TCHHL1: variants seen among roughly 807,000 people sequenced by gnomAD.
TCHHL1 encodes the protein trichohyalin-like protein 1.
In TCHHL1, 1 loss-of-function variant was observed where a neutral mutation model predicts 3.5. That is an observed-to-expected ratio of 0.29 (90% CI 0.10 to 1.36). The LOEUF is 1.36. TCHHL1 is among the 40% of genes most tolerant of loss of function. TCHHL1 has a pLI of 0.43. For missense variants in TCHHL1, 1,027 were observed against 1,032.8 expected, an observed-to-expected ratio of 0.99 and a Z score of 0.08; for synonymous variants, 405 against 375.3, an observed-to-expected ratio of 1.08 and a Z score of -0.92.
intron 2 of TCHHL1, 81 bp downstream of exon 2, chr1:152,087,925 G>A (rs1657764834): frequency 2.4e-5 from 35 of 1,474,740 alleles, no homozygotes; most frequent in Non-Finnish European, 3.1e-5. Context: ...AAATGGATGG[G>A]GATCACATAT....
chr1:152,085,740 C>G lies in TCHHL1; in HGVS notation c.1942G>C (p.Glu648Gln). ...TGTGCTTCTGGGTGTCCATTGGGCT[C>G]CACAGCTGCACCTGGGCCTTTGGTC... is the stretch of plus-strand genomic sequence containing the variant. ...PGTKGPGAAV[E>Q]PNGHPEAQES... The change falls in exon 3 of 3, where the codon GAG (glutamate) becomes CAG (glutamine). Residue 648 changes from glutamate (E) to glutamine (Q), a missense_variant. Transcript: ENST00000368806. The G allele has an allele frequency of 6.2e-7, 1 of 1,614,156 alleles. No homozygotes were observed.
Position 152,085,907 on chromosome 1 carries a change from G to T in TCHHL1, c.1775C>A (p.Pro592Gln). 1 of 1,614,182 alleles carries T rather than the reference G, an allele frequency of 6.2e-7. No homozygotes were observed. Among genetic ancestry groups the T allele is most frequent in the Non-Finnish European group, 8.5e-7 (1 of 1,180,034 alleles). The change falls in exon 3 of 3, where the codon CCA becomes CAA. Residue 592 changes from proline (P) to glutamine (Q), a missense_variant. Physicochemically the swap from Pro to Gln is moderately conservative, Grantham distance 76. Coordinates refer to ENST00000368806, the MANE Select transcript of TCHHL1 (RefSeq NM_001008536.2). ...AGGTGTTCCCTGCCTCTGGGTATCT[G>T]GGTTATTATTGTGACCTCCTTGCAC... ...ESVQGGHNNN[P>Q]DTQRQGTPGE...
Position 152,085,516 on chromosome 1 carries a change from T to C in TCHHL1, c.2166A>G (p.Glu722=). ...AGGCTGAATTGTCCTCATCTAGACT[T>C]TCTAACAGAGTATTCTGGGCCTCTG... ...RATEAQNTLL[E]SLDEDNSASL... is the part of the protein sequence containing the mutation. The change falls in exon 3 of 3, where the codon GAA becomes GAG. Residue 722 remains glutamate, a synonymous_variant. Transcript: ENST00000368806. 6.2e-7 allele frequency: 1 copy of C among 1,614,222 alleles called. No homozygotes were observed. The highest frequency in any genetic ancestry group is 1.1e-5 in the South Asian group (1 of 91,076).
rs1657757589 is a variant in TCHHL1 at position 152,087,551 on chromosome 1, A to G, written c.139-8T>C. ...AGCATGAAGGACACAGGGCTGCATG[A>G]AAACACAGTGAGAAATCAGCTTATT... On this transcript the variant is annotated splice_polypyrimidine_tract_variant and splice_region_variant and intron_variant, in intron 2 of 2. Coordinates refer to ENST00000368806, the MANE Select transcript of TCHHL1 (RefSeq NM_001008536.2). 2 of 1,577,742 alleles carry G rather than the reference A, an allele frequency of 1.3e-6. No homozygotes were observed. The highest frequency in any genetic ancestry group is 1.7e-6 in the Non-Finnish European group (2 of 1,170,520).
At position 152,085,363 on chromosome 1, in the gene TCHHL1, G is replaced by A. The variant is rs1260258112; in HGVS notation, c.2319C>T (p.Val773=). The change falls in exon 3 of 3, where the codon GTC becomes GTT. Residue 773 remains valine, a synonymous_variant. Coordinates refer to ENST00000368806, the MANE Select transcript of TCHHL1 (RefSeq NM_001008536.2). ...SPAKKEHNSS[V]PWSSLEKQMQ... ...TCTGCTTTTCAAGACTTGACCAGGG[G>A]ACTGAAGAATTGTGCTCTTTCTTGG... 6 of 1,614,228 alleles carry A rather than the reference G, an allele frequency of 3.7e-6. No individual in the cohort carries two copies. Among genetic ancestry groups the A allele is most frequent in the East Asian group, 2.2e-5 (1 of 44,890 alleles).
rs532974821 is a variant in TCHHL1 at position 152,085,937 on chromosome 1, T to A, written c.1745A>T (p.Glu582Val). 1 of 1,614,230 alleles carries A rather than the reference T, an allele frequency of 6.2e-7. No homozygotes were observed. The highest frequency in any genetic ancestry group is 1.3e-5 in the African/African-American group (1 of 75,074). Residue 582 changes from glutamate to valine, a missense_variant, in exon 3 of 3, where the codon GAG (glutamate) becomes GTG (valine). Coordinates refer to ENST00000368806, the MANE Select transcript of TCHHL1 (RefSeq NM_001008536.2). ...ATTATTGTGACCTCCTTGCACAGACTCTCCATGTTGGTCCCCTTGACTCTG... is the reference window on the plus strand; with the variant it reads ...ATTATTGTGACCTCCTTGCACAGACACTCCATGTTGGTCCCCTTGACTCTG... ...DSQSQGDQHG[E>V]SVQGGHNNNP...
chr1:152,085,300 A>G lies in TCHHL1; in HGVS notation c.2382T>C (p.Gly794=). The G allele has an allele frequency of 6.2e-7, 1 of 1,614,074 alleles. No homozygotes were observed. Among genetic ancestry groups the G allele is most frequent in the Non-Finnish European group, 8.5e-7 (1 of 1,180,014 alleles). Residue 794 remains glycine (G), a synonymous_variant, in exon 3 of 3, where the codon GGT becomes GGC. Coordinates refer to ENST00000368806, the MANE Select transcript of TCHHL1 (RefSeq NM_001008536.2). ...GGTATAGTGGACTGGAATAGACTGC[A>G]CCCCTCTCCACAGAACAGGGCTCTT... ...RDQEPCSVER[G]AVYSSPLYQY... is the part of the protein sequence containing the mutation.
Position 152,085,563 on chromosome 1 carries a change from T to C in TCHHL1, c.2119A>G (p.Lys707Glu). The change falls in exon 3 of 3, where the codon AAA becomes GAA. Residue 707 changes from lysine (K) to glutamate (E), a missense_variant. By Grantham distance (56) the Lys-to-Glu change is moderately conservative. Around this residue, in one of 3 missense-constraint regions of TCHHL1, gnomAD observed 673 missense variants for 658.6 expected, o/e 1.02. Transcript: ENST00000368806. ...NELKVQGPSS[K>E]EEKGRATEAQ... is the part of the protein sequence containing the mutation. ...TCTGTTGCTCTTCCTTTCTCTTCTT[T>C]GCTACTTGGGCCTTGGACCTTTAAT... The C allele has an allele frequency of 6.2e-7, 1 of 1,614,262 alleles. No homozygotes were observed. Among genetic ancestry groups the C allele is most frequent in the Non-Finnish European group, 8.5e-7 (1 of 1,180,052 alleles).
Position 152,087,377 on chromosome 1 carries a change from G to A in TCHHL1, c.305C>T (p.Pro102Leu). The A allele has an allele frequency of 6.2e-7, 1 of 1,613,400 alleles. No homozygotes were observed. The highest frequency in any genetic ancestry group is 8.5e-7 in the Non-Finnish European group (1 of 1,179,972). ...LSSELRQVTK[P>L]EKEKLDDVDV... ...CACATCATCTAGCTTCTCCTTCTCTGGTTTAGTCACCTGTCTTAGTTCAGA... is the reference window on the plus strand; with the variant it reads ...CACATCATCTAGCTTCTCCTTCTCTAGTTTAGTCACCTGTCTTAGTTCAGA... The change falls in exon 3 of 3, where the codon CCA becomes CTA. Residue 102 changes from proline to leucine, a missense_variant. Physicochemically the swap from Pro to Leu is moderately conservative, Grantham distance 98. This residue lies in a region of TCHHL1 where 338 missense variants were observed against 335.9 expected (regional missense o/e 1.01). Transcript: ENST00000368806.
rs1251915429 is a variant in TCHHL1, at chr1:152,086,274, C to G, written c.1408G>C (p.Glu470Gln). ...EGTAVSGEEA[E>Q]HTKEGTAEAF... ...TCTGCTGTGCCTTCTTTGGTGTGTT[C>G]TGCCTCTTCTCCTGAGACTGCTGTT... The change falls in exon 3 of 3, where the codon GAA becomes CAA. Residue 470 changes from glutamate to glutamine, a missense_variant. Physicochemically the swap from Glu to Gln is conservative, Grantham distance 29. Around this residue, in one of 3 missense-constraint regions of TCHHL1, gnomAD observed 673 missense variants for 658.6 expected, o/e 1.02. Coordinates refer to ENST00000368806, the MANE Select transcript of TCHHL1 (RefSeq NM_001008536.2). 1 of 1,614,244 alleles carries G rather than the reference C, an allele frequency of 6.2e-7. No homozygotes were observed. The highest frequency in any genetic ancestry group is 8.5e-7 in the Non-Finnish European group (1 of 1,180,060).
chr1:152,085,490 GA>G lies in TCHHL1; in HGVS notation c.2191del (p.Ser731ProfsTer12). 1 of 1,614,182 alleles carries G rather than the reference GA, an allele frequency of 6.2e-7. No homozygotes were observed. Among genetic ancestry groups the G allele is most frequent in the Non-Finnish European group, 8.5e-7 (1 of 1,180,034 alleles). ...LESLDEDNSASLKIQLETKEP... is the reference protein window; with the variant it reads ...LESLDEDNSAXLKIQLETKEP... ...CTTTGTTTCAAGTTGTATCTTGAGGGAGGCTGAATTGTCCTCATCTAGACTT... is the reference window on the plus strand; with the variant it reads ...CTTTGTTTCAAGTTGTATCTTGAGGGGGCTGAATTGTCCTCATCTAGACTT... On this transcript the variant is annotated frameshift_variant, in exon 3 of 3. Coordinates refer to ENST00000368806, the MANE Select transcript of TCHHL1 (RefSeq NM_001008536.2). LOFTEE classifies it low-confidence loss of function (END_TRUNC).
chr1:152,088,960 T>C (rs556264803), intron 1 of TCHHL1, 60 bp downstream of exon 1: 40 of 152,240 alleles, frequency 2.6e-4, no homozygotes, highest in Middle Eastern at 3.4e-3. Flanking sequence ...CCTCTTGCAA[T>C]CTCACATATA....
Position 152,086,198 on chromosome 1 carries a change from G to T in TCHHL1, c.1484C>A (p.Ala495Glu). ...TGCTAAATCTTGTGTTCTTTCTCTT[G>T]CCCCCAGTGTCCTTTCTGCTGCAGG... is the stretch of plus-strand genomic sequence containing the variant. ...NAPAAERTLG[A>E]RERTQDLAPL... Residue 495 changes from alanine to glutamate, a missense_variant, in exon 3 of 3, where the codon GCA (alanine) becomes GAA (glutamate). Ala to Glu is a moderately radical substitution (Grantham distance 107). Around this residue, in one of 3 missense-constraint regions of TCHHL1, gnomAD observed 673 missense variants for 658.6 expected, o/e 1.02. Transcript: ENST00000368806. The T allele has an allele frequency of 6.2e-7, 1 of 1,614,114 alleles. No homozygotes were observed. Among genetic ancestry groups the T allele is most frequent in the Non-Finnish European group, 8.5e-7 (1 of 1,180,028 alleles).
At position 152,088,044 on chromosome 1, in the gene TCHHL1, T is replaced by A; in HGVS notation, c.100A>T (p.Lys34Ter). Residue 34 changes from lysine (K) to a stop codon, truncating the protein, a stop_gained, in exon 2 of 3, where the codon AAA (lysine) becomes TAA (stop). Transcript: ENST00000368806. LOFTEE classifies it low-confidence loss of function (END_TRUNC). ...NGATLTGREL[K>*]QLIQGEFGDF... ...CCAAACTCGCCCTGGATGAGTTGTT[T>A]CAGCTCTCTGCCAGTCAGTGTTGCC... is the stretch of plus-strand genomic sequence containing the variant. The A allele has an allele frequency of 6.2e-7, 1 of 1,610,238 alleles. No individual in the cohort carries two copies.
At position 152,085,403 on chromosome 1, in the gene TCHHL1, T is replaced by A; in HGVS notation, c.2279A>T (p.Asp760Val). The A allele has an allele frequency of 1.2e-6, 2 of 1,614,232 alleles. No homozygotes were observed. Among genetic ancestry groups the A allele is most frequent in the Non-Finnish European group, 1.7e-6 (2 of 1,180,046 alleles). The change falls in exon 3 of 3, where the codon GAC becomes GTC. Residue 760 changes from aspartate to valine, a missense_variant. Coordinates refer to ENST00000368806, the MANE Select transcript of TCHHL1 (RefSeq NM_001008536.2). ...CTCTTTCTTGGCTGGACTTTTTTGG[T>A]CACCACCTTCTCCTGCCAGCTCTTG... ...SPQELAGEGG[D>V]QKSPAKKEHN...
Position 152,085,913 on chromosome 1 carries a change from T to C in TCHHL1, c.1769A>G (p.Asn590Ser). 1 of 1,614,236 alleles carries C rather than the reference T, an allele frequency of 6.2e-7. No homozygotes were observed. Among genetic ancestry groups the C allele is most frequent in the Non-Finnish European group, 8.5e-7 (1 of 1,180,050 alleles). The change falls in exon 3 of 3, where the codon AAT (asparagine) becomes AGT (serine). Residue 590 changes from asparagine to serine, a missense_variant. By Grantham distance (46) the Asn-to-Ser change is conservative (BLOSUM62 1). Coordinates refer to ENST00000368806, the MANE Select transcript of TCHHL1 (RefSeq NM_001008536.2). ...TCCCTGCCTCTGGGTATCTGGGTTA[T>C]TATTGTGACCTCCTTGCACAGACTC... ...HGESVQGGHNNNPDTQRQGTP... is the reference protein window; with the variant it reads ...HGESVQGGHNSNPDTQRQGTP...
At chr1:152,087,617 A>G (rs935933143) in intron 2 of TCHHL1, 74 bp from the exon 3 acceptor site, 31 of 1,434,936 alleles carry the variant, frequency 2.2e-5, no homozygotes, top group African/African-American at 4.3e-5. Flanking sequence ...CAAGAATCCT[A>G]TTTTTCTGAC....
chr1:152,088,823 GT>G (rs892782847), intron 1 of TCHHL1, among the ~76,000 whole-genome samples, 196 bp downstream of exon 1: 2 of 151,906 alleles, frequency 1.3e-5, no homozygotes, highest in Non-Finnish European at 1.5e-5. Flanking sequence ...AACAATTTAT[GT>G]TTTTTTTAAA....
Position 152,087,581 on chromosome 1 carries a change from T to A in TCHHL1, c.139-38A>T, listed in dbSNP as rs1419570530. ...ACAGTGAGAAATCAGCTTATTTATA[T>A]GTGGTCCAGTGTCCTAAGTGTCTCC... On this transcript the variant is annotated intron_variant, in intron 2 of 2. Transcript: ENST00000368806. 4 of 1,541,034 alleles carry A rather than the reference T, an allele frequency of 2.6e-6. No homozygotes were observed. In the African/African-American group the frequency reaches 5.5e-5, roughly 21 times the overall value.
Sources: gnomAD v4.1 joint callset for allele counts (sites outside exome capture counted in the v4.1 genomes callset) on GRCh38, gnomAD v4.1.1 for gene constraint, gnomAD v4.1.1 regional missense constraint, MANE v1.5 for transcripts, NCBI Gene and HGNC (gene_info 2026-07-23, HGNC 2026-07-21) for gene names.